UBE2E3: variants seen among roughly 807,000 people sequenced by gnomAD.
UBE2E3 encodes the protein ubiquitin conjugating enzyme E2 E3.
Under a neutral mutation model 23.6 loss-of-function variants are expected in UBE2E3, and 5 were observed. The ratio of observed to expected loss-of-function variants is 0.21; its 90% CI spans 0.11 to 0.44. The LOEUF (loss-of-function observed/expected upper bound fraction) is 0.44. Among genes scored for constraint, UBE2E3 ranks in the 20% least tolerant of loss-of-function variants. UBE2E3 has a pLI of 0.99. For missense variants in UBE2E3, 81 were observed against 249.8 expected (o/e 0.32, Z 4.55); for synonymous variants, 78 against 87.5 (o/e 0.89, Z 0.60).
intron 3 of UBE2E3, among the ~76,000 whole-genome samples, chr2:181,054,067 G>C (rs1485199874): frequency 6.6e-6 from 1 of 151,764 alleles, no homozygotes; most frequent in Non-Finnish European, 1.5e-5. Flanking sequence ...TTGTCTGGAG[G>C]TACCACAGTT....
chr2:180,992,189 T>A (rs1684679292), intron 3 of UBE2E3, among the ~76,000 whole-genome samples: 1 of 152,210 alleles, frequency 6.6e-6, no homozygotes, highest in Non-Finnish European at 1.5e-5. Context: ...GGTGAAACTA[T>A]CAGTGTCTAC....
In UBE2E3 at chr2:180,982,216, G is replaced by C; in HGVS notation, c.174G>C (p.Lys58Asn). The C allele has an allele frequency of 6.2e-7, 1 of 1,611,820 alleles. No individual in the cohort carries two copies. Among genetic ancestry groups the C allele is most frequent in the Non-Finnish European group, 8.5e-7 (1 of 1,179,196 alleles). ...NTKLSSKTTA[K>N]LSTSAKRIQK... is the part of the protein sequence containing the mutation. ...AACTCTCTAGCAAAACCACTGCTAA[G>C]TTATCCACTAGTGCTAAAAGGTAAT... Residue 58 changes from lysine (K) to asparagine (N), a missense_variant, in exon 2 of 6, where the codon AAG becomes AAC. Coordinates refer to ENST00000410062, the MANE Select transcript of UBE2E3 (RefSeq NM_006357.4).
intron 3 of UBE2E3, among the ~76,000 whole-genome samples, chr2:181,046,193 C>T (rs1574217074): frequency 6.6e-6 from 1 of 152,090 alleles, no homozygotes; most frequent in African/African-American, 2.4e-5. Flanking sequence ...ATTACATTGT[C>T]CACCAAGGAA....
In UBE2E3 at chr2:180,984,107, TTTG is replaced by T. The variant is rs1295537471; in HGVS notation, c.245+20_245+22del. 7 of 1,606,348 alleles carry T rather than the reference TTTG, an allele frequency of 4.4e-6. No homozygotes were observed. Among genetic ancestry groups the T allele is most frequent in the Non-Finnish European group, 6.0e-6 (7 of 1,174,456 alleles). ...TCCTAATTGCAGGTAAGAAATGAAT[TTTG>T]TTGTTTTGGTTTCAAATTGTGGAAA... On this transcript the variant is annotated intron_variant, in intron 3 of 5. Transcript: ENST00000410062.
intron 3 of UBE2E3, among the ~76,000 whole-genome samples, chr2:181,033,199 C>CA (rs1314305387): frequency 6.6e-6 from 1 of 152,032 alleles, no homozygotes; most frequent in Non-Finnish European, 1.5e-5. Context: ...CATATGGCAC[C>CA]AAAAAAGAGC....
At chr2:181,029,840 T>C (rs930169505) in intron 3 of UBE2E3, among the ~76,000 whole-genome samples, 125 of 70,656 alleles carry the variant, frequency 1.8e-3, no homozygotes, top group African/African-American at 6.0e-3. Context: ...ATTCGGTCCC[T>C]TTTTTTTTTT....
chr2:181,006,504 A>G (rs1685151400), intron 3 of UBE2E3, among the ~76,000 whole-genome samples: 2 of 151,926 alleles, frequency 1.3e-5, no homozygotes, highest in Non-Finnish European at 2.9e-5. Context: ...ATAAACAATA[A>G]TTTTTATAAG....
intron 3 of UBE2E3, among the ~76,000 whole-genome samples, chr2:181,020,710 C>T (rs1685645811): frequency 6.6e-6 from 1 of 152,162 alleles, no homozygotes; most frequent in East Asian, 1.9e-4. Flanking sequence ...CTAAACTAGT[C>T]TTCATATAGA....
chr2:181,012,289 CTG>C (rs1428899696), intron 3 of UBE2E3, among the ~76,000 whole-genome samples: 3 of 152,076 alleles, frequency 2.0e-5, no homozygotes, highest in East Asian at 3.8e-4. Context: ...TCAAATATAA[CTG>C]AAGCAAATAT....
intron 3 of UBE2E3, among the ~76,000 whole-genome samples, chr2:181,041,687 C>T (rs896259089): frequency 2.4e-5 from 2 of 82,160 alleles, no homozygotes; most frequent in Admixed American, 1.4e-4. Flanking sequence ...CCGCCTGCCT[C>T]AGCCTCCCAG....
At chr2:181,044,647 AT>A (rs1382487422) in intron 3 of UBE2E3, among the ~76,000 whole-genome samples, 2 of 152,090 alleles carry the variant, frequency 1.3e-5, no homozygotes, top group African/African-American at 4.8e-5. Context: ...TGCTGATATA[AT>A]TTTTTATGTC....
chr2:181,025,796 C>G (rs1685864834), intron 3 of UBE2E3, among the ~76,000 whole-genome samples: 2 of 151,784 alleles, frequency 1.3e-5, no homozygotes, highest in Admixed American at 1.3e-4. Flanking sequence ...AGTTTCATAC[C>G]AAGTCTTCTA....
chr2:181,006,912 A>G (rs1007105469), intron 3 of UBE2E3, among the ~76,000 whole-genome samples: 2 of 152,204 alleles, frequency 1.3e-5, no homozygotes, highest in African/African-American at 4.8e-5. Flanking sequence ...CTCAGAGTAA[A>G]ATTACTTTAA....
chr2:181,033,434 AT>A (rs1480034620), intron 3 of UBE2E3, among the ~76,000 whole-genome samples: 1 of 152,212 alleles, frequency 6.6e-6, no homozygotes, highest in Non-Finnish European at 1.5e-5. Context: ...TGGGGAAAGG[AT>A]TTCCTATTTA....
chr2:180,993,005 G>GT (rs1684711931), intron 3 of UBE2E3, among the ~76,000 whole-genome samples: 1 of 152,160 alleles, frequency 6.6e-6, no homozygotes, highest in South Asian at 2.1e-4. Flanking sequence ...ACATTAATGA[G>GT]TTTTATGAAT....
intron 1 of UBE2E3, chr2:180,981,325 G>A (rs1442412884): frequency 1.3e-5 from 2 of 152,156 alleles, no homozygotes; most frequent in East Asian, 3.9e-4. Flanking sequence ...TGGACAAAAT[G>A]TCGGTCCGTG....
intron 3 of UBE2E3, among the ~76,000 whole-genome samples, chr2:181,040,106 TTGAC>T (rs371084893): frequency 8.3e-4 from 127 of 152,346 alleles, no homozygotes; most frequent in African/African-American, 3.0e-3. Context: ...AAGTGGCCAT[TTGAC>T]TGTTTCCTTG....
chr2:180,994,600 T>A (rs1684771965), intron 3 of UBE2E3, among the ~76,000 whole-genome samples: 1 of 152,190 alleles, frequency 6.6e-6, no homozygotes, highest in Non-Finnish European at 1.5e-5. Context: ...CCCACAGTTA[T>A]TTGAGTGAGG....
chr2:181,023,367 C>T (rs1227612066), intron 3 of UBE2E3, among the ~76,000 whole-genome samples: 1 of 152,150 alleles, frequency 6.6e-6, no homozygotes, highest in African/African-American at 2.4e-5. Context: ...AATAGAACAT[C>T]CTCTACTTTT....
Sources: gnomAD v4.1 joint callset for allele counts (sites outside exome capture counted in the v4.1 genomes callset) on GRCh38, gnomAD v4.1.1 for gene constraint, MANE v1.5 for transcripts, NCBI Gene and HGNC (gene_info 2026-07-23, HGNC 2026-07-21) for gene names.